Variants in KCNK1 observed in about 807,000 individuals in gnomAD.
KCNK1 encodes potassium channel subfamily K member 1.
A neutral mutation model predicts 22.2 loss-of-function variants in KCNK1; 10 were observed. The observed-to-expected ratio is 0.45, with a 90% CI of 0.28 to 0.76. The LOEUF (loss-of-function observed/expected upper bound fraction) is 0.76, where lower values mean the gene tolerates loss of function less well. Among genes scored for constraint, KCNK1 ranks in the 30% least tolerant of loss-of-function variants. The probability of loss-of-function intolerance (pLI) is 0.14; values close to 1 mark genes in which losing one functional copy is unlikely to be tolerated. For missense variants in KCNK1, 378 were observed against 421.0 expected (o/e 0.90, Z 0.89); for synonymous variants, 200 against 186.4 (o/e 1.07, Z -0.60).
intron 1 of KCNK1, among the ~76,000 whole-genome samples, chr1:233,638,124 T>G (rs962808949): frequency 1.3e-5 from 2 of 152,120 alleles, no homozygotes; most frequent in East Asian, 3.9e-4. Context: ...TCACCTTTGT[T>G]AGCTTATATG....
rs745467818 is a variant in KCNK1, at chr1:233,672,063, T to G, written c.*533T>G. 2.5e-4 allele frequency: 39 copies of G among 156,946 alleles called. No homozygotes were observed. Among genetic ancestry groups the G allele is most frequent in the Non-Finnish European group, 4.5e-4 (32 of 70,710 alleles). 9.7% of individuals were successfully genotyped at this position (156,946 alleles called of 1,614,324 possible). On this transcript the variant is annotated 3_prime_UTR_variant, in exon 3 of 3. Coordinates refer to ENST00000366621, the MANE Select transcript of KCNK1 (RefSeq NM_002245.4). ...CATAGGTAACCATTAACTATGTACA[T>G]ATAAAGTATAAATATGTTTATATTC...
At chr1:233,617,066 A>G (rs555347277) in intron 1 of KCNK1, among the ~76,000 whole-genome samples, 1 of 150,156 alleles carries the variant, frequency 6.7e-6, no homozygotes, top group East Asian at 2.0e-4. Flanking sequence ...TTCTTTTCTT[A>G]ACACTTCTAG....
At chr1:233,630,149 G>C (rs535914940) in intron 1 of KCNK1, among the ~76,000 whole-genome samples, 1 of 152,224 alleles carries the variant, frequency 6.6e-6, no homozygotes, top group East Asian at 1.9e-4. Context: ...ACCTCTCAAG[G>C]GTGTACCTGT....
At chr1:233,641,591 C>A (rs1658000193) in intron 1 of KCNK1, among the ~76,000 whole-genome samples, 1 of 152,180 alleles carries the variant, frequency 6.6e-6, no homozygotes, top group Non-Finnish European at 1.5e-5. Flanking sequence ...CTTAACACGG[C>A]AGGGTCCTGT....
At chr1:233,644,713 A>G (rs967820388) in intron 1 of KCNK1, among the ~76,000 whole-genome samples, 7 of 152,070 alleles carry the variant, frequency 4.6e-5, no homozygotes, top group Admixed American at 3.9e-4. Flanking sequence ...CTAGGATCTC[A>G]AGCTTTTTGA....
intron 1 of KCNK1, among the ~76,000 whole-genome samples, chr1:233,616,981 C>G (rs13376146): frequency 6.6e-6 from 1 of 151,812 alleles, no homozygotes; most frequent in Admixed American, 6.6e-5. Context: ...TCTGGAAAAG[C>G]GCCAACCAAA....
chr1:233,671,628 A>T lies in KCNK1; in HGVS notation c.*98A>T. The T allele has an allele frequency of 7.2e-7, 1 of 1,382,956 alleles. No homozygotes were observed. Among genetic ancestry groups the T allele is most frequent in the Non-Finnish European group, 9.9e-7 (1 of 1,005,970 alleles). The allele number at this position is 1,382,956 out of a possible 1,614,324, so 85.7% of individuals were successfully genotyped here. On this transcript the variant is annotated 3_prime_UTR_variant, in exon 3 of 3. Transcript: ENST00000366621. ...TTATCAGAATGCAAAAGCGAAAATT[A>T]TGTCACTTTAAGAAATAGCTACTGT...
chr1:233,615,078 G>A (rs961037945), intron 1 of KCNK1, among the ~76,000 whole-genome samples: 1 of 152,234 alleles, frequency 6.6e-6, no homozygotes, highest in South Asian at 2.1e-4. Context: ...AGATATTCCA[G>A]CTCTTTTGTA....
chr1:233,669,541 A>T lies in KCNK1; in HGVS notation c.752-1730A>T, dbSNP rs568040226. ...ATGGATATTTTTGTGAGCATTCAAG[A>T]GTTTGACAAAATAATTATAAAGGAG... On this transcript the variant is annotated intron_variant, in intron 2 of 2. Coordinates refer to ENST00000366621, the MANE Select transcript of KCNK1 (RefSeq NM_002245.4). Among the ~76,000 whole-genome samples the T allele has an allele frequency of 2.6e-4, 40 of 152,266 alleles. No individual in the cohort carries two copies. In the South Asian group the frequency reaches 7.7e-3, roughly 29 times the overall value.
intron 1 of KCNK1, among the ~76,000 whole-genome samples, chr1:233,640,171 C>A (rs1458883723): frequency 6.6e-6 from 1 of 152,002 alleles, no homozygotes; most frequent in Non-Finnish European, 1.5e-5. Context: ...TTCTTGGTAA[C>A]ATTTGAATAA....
chr1:233,651,672 T>C (rs1372448292), intron 1 of KCNK1, among the ~76,000 whole-genome samples: 1 of 152,222 alleles, frequency 6.6e-6, no homozygotes, highest in East Asian at 1.9e-4. Context: ...GGTTTCTAAC[T>C]CTCTCTTCGA....
intron 1 of KCNK1, among the ~76,000 whole-genome samples, chr1:233,632,770 G>T (rs1245395245): frequency 6.6e-6 from 1 of 152,080 alleles, no homozygotes; most frequent in East Asian, 1.9e-4. Flanking sequence ...TTCAGAAGGA[G>T]CCCAGTGTGC....
chr1:233,645,911 A>G (rs1658083717), intron 1 of KCNK1, among the ~76,000 whole-genome samples: 1 of 152,170 alleles, frequency 6.6e-6, no homozygotes, highest in African/African-American at 2.4e-5. Flanking sequence ...GTTGGAGACA[A>G]GGGAAAGAAA....
In KCNK1 at chr1:233,634,138, T is replaced by C. The variant is rs112005184; in HGVS notation, c.355+19612T>C. 9.7e-3 allele frequency among the ~76,000 whole-genome samples: 1,475 copies of C among 152,004 alleles called. 22 individuals are homozygous for C. Among genetic ancestry groups the C allele is most frequent in the African/African-American group, 0.033 (1,367 of 41,470 alleles). ...CTGGCCAACACAGTGAAACCCTGTCTCTACTAAAAATACAAAAATTAGCTG... is the reference window on the plus strand; with the variant it reads ...CTGGCCAACACAGTGAAACCCTGTCCCTACTAAAAATACAAAAATTAGCTG... On this transcript the variant is annotated intron_variant, in intron 1 of 2. Coordinates refer to ENST00000366621, the MANE Select transcript of KCNK1 (RefSeq NM_002245.4).
At chr1:233,629,258 T>C (rs1167771158) in intron 1 of KCNK1, among the ~76,000 whole-genome samples, 1 of 151,996 alleles carries the variant, frequency 6.6e-6, no homozygotes, top group Non-Finnish European at 1.5e-5. Context: ...ATTGGGTAAG[T>C]GGGTAACATC....
chr1:233,625,159 G>C (rs1013678880), intron 1 of KCNK1, among the ~76,000 whole-genome samples: 1 of 152,202 alleles, frequency 6.6e-6, no homozygotes, highest in Non-Finnish European at 1.5e-5. Flanking sequence ...ATAAACAGGT[G>C]TGTAAAAAAT....
intron 1 of KCNK1, chr1:233,655,714 T>C (rs1230705630): frequency 6.5e-6 from 1 of 152,848 alleles, no homozygotes; most frequent in African/African-American, 2.4e-5. Flanking sequence ...CCTTGTGAGA[T>C]TAGAGTGAGA....
intron 1 of KCNK1, among the ~76,000 whole-genome samples, chr1:233,658,439 A>G (rs942122657): frequency 2.0e-5 from 3 of 152,238 alleles, no homozygotes; most frequent in African/African-American, 7.2e-5. Context: ...CACATAATTA[A>G]TAAGCAGGTA....
At chr1:233,669,059 T>G (rs1437613338) in intron 2 of KCNK1, among the ~76,000 whole-genome samples, 1 of 152,216 alleles carries the variant, frequency 6.6e-6, no homozygotes, top group Admixed American at 6.5e-5. Context: ...TCACCAGCAT[T>G]ATCTGAGTGT....
Sources: allele counts gnomAD v4.1 joint callset (sites outside exome capture counted in the v4.1 genomes callset), GRCh38; gene constraint gnomAD v4.1.1; transcripts MANE v1.5; gene names NCBI Gene and HGNC (gene_info 2026-07-23, HGNC 2026-07-21).